OTP: variants seen among roughly 807,000 people sequenced by gnomAD.
OTP encodes the protein homeobox protein orthopedia.
A neutral mutation model predicts 22.3 loss-of-function variants in OTP; 5 were observed. That is an observed-to-expected ratio of 0.22 (90% confidence interval 0.12 to 0.47). The LOEUF is 0.47. OTP is among the 20% of genes least tolerant of loss of function. The pLI, the probability that OTP is intolerant of heterozygous loss-of-function variation, is 0.99. For synonymous variants in OTP, 229 were observed against 210.6 expected (o/e 1.09, Z -0.76); for missense variants, 428 against 456.2 (o/e 0.94, Z 0.56).
intron 1 of OTP, among the ~76,000 whole-genome samples, chr5:77,637,920 T>C (rs1308426330): frequency 6.6e-6 from 1 of 152,144 alleles, no homozygotes; most frequent in African/African-American, 2.4e-5. Flanking sequence ...AACTTTTCTT[T>C]CCAGAGAAAT....
rs1424907389 is a variant in OTP, at chr5:77,638,584, C to T, written c.-35G>A. 2 of 1,541,162 alleles carry T rather than the reference C, an allele frequency of 1.3e-6. No individual in the cohort carries two copies. Among genetic ancestry groups the T allele is most frequent in the East Asian group, 2.4e-5 (1 of 41,782 alleles). Reference sequence around the variant, plus strand: ...CTCCAGGGCGAAAGCTGTTCCCCCCCAAATTTTAGCGGCTTTAAGTTATTT... The same window carrying T: ...CTCCAGGGCGAAAGCTGTTCCCCCCTAAATTTTAGCGGCTTTAAGTTATTT... On this transcript the variant is annotated 5_prime_UTR_variant, in exon 1 of 3. Transcript: ENST00000306422.
intron 1 of OTP, 24 bp downstream of exon 1, chr5:77,638,488 GC>G: frequency 6.4e-7 from 1 of 1,566,454 alleles, no homozygotes; most frequent in Non-Finnish European, 8.7e-7. Flanking sequence ...TCTCCTGGCT[GC>G]CCGGGCGAGA....
rs781728023 is a variant in OTP, at chr5:77,630,418, C to A, written c.824G>T (p.Gly275Val). ...GCCGGGGAGGGAGGCGGGCACCATG[C>A]CGGGGAAGGCGGGCTGGTAGAGGTG... ...QSHLYQPAFP[G>V]MVPASLPGPS... Residue 275 changes from glycine to valine, a missense_variant, in exon 3 of 3, where the codon GGC (glycine) becomes GTC (valine). Physicochemically the swap from Gly to Val is moderately radical, Grantham distance 109 (BLOSUM62 -3). Coordinates refer to ENST00000306422, the MANE Select transcript of OTP (RefSeq NM_032109.3). 2.5e-6 allele frequency: 4 copies of A among 1,580,844 alleles called. No individual in the cohort carries two copies. The highest frequency in any genetic ancestry group is 1.8e-5 in the Admixed American group (1 of 55,640).
At position 77,637,885 on chromosome 5, in the gene OTP, C is replaced by A. The variant is rs139420297; in HGVS notation, c.37+628G>T. 6.8e-3 allele frequency among the ~76,000 whole-genome samples: 1,036 copies of A among 152,252 alleles called. 14 individuals carry two copies. Among genetic ancestry groups the A allele is most frequent in the African/African-American group, 0.024 (985 of 41,544 alleles). ...AAACTCGAGTGAACTCTATGGACAA[C>A]CGTGAATCAAACTTTAGAGATTTCA... On this transcript the variant is annotated intron_variant, in intron 1 of 2. Transcript: ENST00000306422.
At chr5:77,631,029 C>T (rs1744921200) in intron 2 of OTP, among the ~76,000 whole-genome samples, 1 of 152,244 alleles carries the variant, frequency 6.6e-6, no homozygotes. Context: ...CTCCTAAGAG[C>T]TCGTGCCCCG....
At chr5:77,638,249 G>GGA (rs1554040473) in intron 1 of OTP, among the ~76,000 whole-genome samples, 1 of 92,560 alleles carries the variant, frequency 1.1e-5, no homozygotes, top group East Asian at 3.5e-4. Flanking sequence ...ATCGCCTTTC[G>GGA]AAAAAAAAAA....
At position 77,638,529 on chromosome 5, in the gene OTP, G is replaced by A; in HGVS notation, c.21C>T (p.Leu7=). Residue 7 remains leucine (L), a synonymous_variant, in exon 1 of 3, where the codon CTC becomes CTT. Coordinates refer to ENST00000306422, the MANE Select transcript of OTP (RefSeq NM_032109.3). ...CGCACTCACCTAGCCTGGCGTCCAG[G>A]AGGTCGGCATGAGACAGCATCGCGC... The part of the protein sequence containing the change: MLSHAD[L]LDARLGMKDA... The A allele has an allele frequency of 6.3e-7, 1 of 1,581,372 alleles. No individual in the cohort carries two copies. The highest frequency in any genetic ancestry group is 8.6e-7 in the Non-Finnish European group (1 of 1,164,678).
intron 2 of OTP, among the ~76,000 whole-genome samples, chr5:77,635,739 G>C (rs1350060306): frequency 6.6e-6 from 1 of 152,118 alleles, no homozygotes; most frequent in Non-Finnish European, 1.5e-5. Context: ...AAATTGACCA[G>C]GTTGATGACA....
chr5:77,638,388 AAT>A, intron 1 of OTP, 123 bp downstream of exon 1: 1 of 921,458 alleles, frequency 1.1e-6, no homozygotes, highest in South Asian at 1.5e-5. Flanking sequence ...ATTAAACTTT[AAT>A]GCAGCACAAT....
intron 2 of OTP, chr5:77,636,606 C>T: frequency 1.9e-6 from 1 of 524,962 alleles, no homozygotes; most frequent in East Asian, 3.2e-5. Context: ...TCCGGGATGT[C>T]GCTATACTGG....
chr5:77,630,468 A>C lies in OTP; in HGVS notation c.774T>G (p.Gly258=). The C allele has an allele frequency of 6.3e-7, 1 of 1,587,468 alleles. No homozygotes were observed. Among genetic ancestry groups the C allele is most frequent in the Non-Finnish European group, 8.6e-7 (1 of 1,168,952 alleles). The change falls in exon 3 of 3, where the codon GGT becomes GGG. Residue 258 remains glycine, a synonymous_variant. Transcript: ENST00000306422. ...GCGACTGCAGCCCCGCGCCGTTGGAACCCGCCAGGCTGTTGGACAGGCCCA... is the reference window on the plus strand; with the variant it reads ...GCGACTGCAGCCCCGCGCCGTTGGACCCCGCCAGGCTGTTGGACAGGCCCA... The part of the protein sequence containing the change: ...NSMGLSNSLA[G]SNGAGLQSHL...
chr5:77,633,429 T>A (rs1744959225), intron 2 of OTP, among the ~76,000 whole-genome samples: 1 of 152,184 alleles, frequency 6.6e-6, no homozygotes, highest in African/African-American at 2.4e-5. Context: ...CATATGTTTT[T>A]TAAATGTGAA....
intron 2 of OTP, among the ~76,000 whole-genome samples, chr5:77,635,605 G>A (rs756837858): frequency 3.3e-5 from 5 of 152,194 alleles, no homozygotes; most frequent in Middle Eastern, 3.2e-3. Flanking sequence ...TTAAAATGCC[G>A]AATGGAGACA....
intron 2 of OTP, among the ~76,000 whole-genome samples, chr5:77,634,170 A>C (rs758246105): frequency 9.2e-5 from 14 of 152,246 alleles, no homozygotes; most frequent in Non-Finnish European, 1.8e-4. Context: ...AAATATTGAA[A>C]GTTAATTAAT....
At chr5:77,636,572 G>T in intron 2 of OTP, 1 of 431,112 alleles carries the variant, frequency 2.3e-6, no homozygotes, top group South Asian at 5.0e-5. Context: ...CGACAACGCC[G>T]GGCTTCGATT....
At position 77,630,688 on chromosome 5, in the gene OTP, G is replaced by T. The variant is rs1207992992; in HGVS notation, c.554C>A (p.Pro185Gln). The change falls in exon 3 of 3, where the codon CCG becomes CAG. Residue 185 changes from proline (P) to glutamine (Q), a missense_variant. Transcript: ENST00000306422. ...LLPTPGLPQF[P>Q]SAAAAAAAAM... The stretch of plus-strand genomic sequence containing the variant: ...GGCGGCAGCGGCGGCGGCAGCCGAC[G>T]GGAACTGAGGCAGGCCTGGCGTGGG... 1.2e-5 allele frequency: 19 copies of T among 1,581,816 alleles called. No individual in the cohort carries two copies. The highest frequency in any genetic ancestry group is 1.5e-5 in the Non-Finnish European group (17 of 1,172,140).
intron 2 of OTP, among the ~76,000 whole-genome samples, chr5:77,633,330 G>A (rs1273006684): frequency 6.6e-6 from 1 of 152,116 alleles, no homozygotes; most frequent in East Asian, 1.9e-4. Flanking sequence ...TCAAATGATG[G>A]CTACAAATTT....
intron 2 of OTP, among the ~76,000 whole-genome samples, chr5:77,632,394 T>C (rs562293414): frequency 6.6e-6 from 1 of 152,384 alleles, no homozygotes; most frequent in South Asian, 2.1e-4. Context: ...GCCCAGGTAC[T>C]GAGTTTCCTC....
Position 77,630,201 on chromosome 5 carries a change from G to C in OTP, c.*63C>G. ...GGCGCCGGGGTCCGGGTGCGCGCCG[G>C]AAGGGCCTCGGGGCGGCCCCCGGGG... On this transcript the variant is annotated 3_prime_UTR_variant, in exon 3 of 3. Coordinates refer to ENST00000306422, the MANE Select transcript of OTP (RefSeq NM_032109.3). 1 of 1,176,978 alleles carries C rather than the reference G, an allele frequency of 8.5e-7. No homozygotes were observed. Among genetic ancestry groups the C allele is most frequent in the Non-Finnish European group, 1.1e-6 (1 of 920,724 alleles). 72.9% of individuals were successfully genotyped at this position (1,176,978 alleles called of 1,614,324 possible). A position where few individuals can be genotyped will look rare whatever the true frequency, so the allele number is the denominator to read the frequency against.
Sources: allele counts gnomAD v4.1 joint callset (sites outside exome capture counted in the v4.1 genomes callset), GRCh38; gene constraint gnomAD v4.1.1; transcripts MANE v1.5; gene names NCBI Gene and HGNC (gene_info 2026-07-23, HGNC 2026-07-21).